Variants in RAB3IP observed in about 807,000 individuals in gnomAD.
The protein encoded by RAB3IP is RAB3A interacting protein.
Under a neutral mutation model 59.1 loss-of-function variants are expected in RAB3IP, and 36 were observed. That is an observed-to-expected ratio of 0.61 (90% CI 0.47 to 0.80). The LOEUF (loss-of-function observed/expected upper bound fraction) is 0.80. RAB3IP is among the 30% of genes least tolerant of loss of function. The probability of loss-of-function intolerance (pLI) is 0.00; values close to 1 mark genes in which losing one functional copy is unlikely to be tolerated. For missense variants in RAB3IP, 511 were observed against 536.0 expected (o/e 0.95, Z 0.46); for synonymous variants, 207 against 191.2 (o/e 1.08, Z -0.68).
chr12:69,765,239 A>G lies in RAB3IP; in HGVS notation c.510+8576A>G, dbSNP rs534486171. 5.9e-5 allele frequency among the ~76,000 whole-genome samples: 9 copies of G among 151,990 alleles called. No individual in the cohort carries two copies. In the South Asian group the frequency reaches 1.3e-3, roughly 21 times the overall value. ...TTCCAGTTCTTGGGGAAGCCTTCCA[A>G]TTTTTGTCCATTCAGTATGATGTTG... is the stretch of plus-strand genomic sequence containing the variant. On this transcript the variant is annotated intron_variant, in intron 3 of 10. Transcript: ENST00000247833.
intron 3 of RAB3IP, among the ~76,000 whole-genome samples, chr12:69,757,815 A>G (rs1445366417): frequency 6.6e-6 from 1 of 152,190 alleles, no homozygotes; most frequent in East Asian, 1.9e-4. Flanking sequence ...AATAGATAGT[A>G]TTTTATTAAA....
chr12:69,756,739 C>T (rs1870297638), intron 3 of RAB3IP, 76 bp downstream of exon 3: 2 of 1,184,546 alleles, frequency 1.7e-6, no homozygotes, highest in African/African-American at 1.6e-5. Flanking sequence ...GGGCAACCTG[C>T]AGAAATGAAA....
chr12:69,811,558 T>A (rs1333193728), intron 8 of RAB3IP, among the ~76,000 whole-genome samples: 1 of 152,230 alleles, frequency 6.6e-6, no homozygotes, highest in African/African-American at 2.4e-5. Context: ...CACATTTTCC[T>A]CTTATGCAAA....
intron 8 of RAB3IP, among the ~76,000 whole-genome samples, chr12:69,803,359 T>G (rs1030059108): frequency 6.6e-6 from 1 of 152,090 alleles, no homozygotes; most frequent in South Asian, 2.1e-4. Context: ...GTGGTTCTTG[T>G]GAGCTAGAGT....
chr12:69,753,784 C>T (rs1297025056), intron 1 of RAB3IP, among the ~76,000 whole-genome samples: 1 of 152,118 alleles, frequency 6.6e-6, no homozygotes, highest in Non-Finnish European at 1.5e-5. Flanking sequence ...GAAGTTTGGT[C>T]TCTATTCAGC....
At chr12:69,784,866 T>C (rs759378276) in intron 4 of RAB3IP, 51 bp downstream of exon 4, 1 of 1,013,518 alleles carries the variant, frequency 9.9e-7, no homozygotes, top group Non-Finnish European at 1.5e-6. Flanking sequence ...TTTTATATAT[T>C]GACAAAATTG....
chr12:69,750,542 C>T (rs565542634), intron 1 of RAB3IP, among the ~76,000 whole-genome samples: 103 of 119,434 alleles, frequency 8.6e-4, no homozygotes, highest in Non-Finnish European at 1.4e-3. Context: ...CCCTCTACCT[C>T]GTTTTTTTTT....
At chr12:69,750,477 A>G (rs987879242) in intron 1 of RAB3IP, among the ~76,000 whole-genome samples, 6 of 152,014 alleles carry the variant, frequency 3.9e-5, no homozygotes, top group African/African-American at 1.4e-4. Flanking sequence ...TTCAAAGAAG[A>G]ATCCAAACAA....
rs1385394547 is a variant in RAB3IP at position 69,756,621 on chromosome 12, G to A, written c.468G>A (p.Lys156=). The change falls in exon 3 of 11, where the codon AAG becomes AAA. Residue 156 remains lysine (K), a synonymous_variant. Transcript: ENST00000247833. ...CATCTGTTTTGGAAGTTAGAGAAAAGGGCTATGAACGATTAAAAGAAGAAC... is the reference window on the plus strand; with the variant it reads ...CATCTGTTTTGGAAGTTAGAGAAAAAGGCTATGAACGATTAAAAGAAGAAC... ...RSPSVLEVRE[K]GYERLKEELA... 1 of 1,614,048 alleles carries A rather than the reference G, an allele frequency of 6.2e-7. No homozygotes were observed. Among genetic ancestry groups the A allele is most frequent in the South Asian group, 1.1e-5 (1 of 91,068 alleles).
chr12:69,741,622 C>G (rs1476020543), intron 1 of RAB3IP, among the ~76,000 whole-genome samples: 2 of 152,152 alleles, frequency 1.3e-5, no homozygotes, highest in South Asian at 4.1e-4. Flanking sequence ...TCAGAGTGAG[C>G]GAGGAGATAA....
intron 10 of RAB3IP, among the ~76,000 whole-genome samples, chr12:69,815,029 T>G (rs757658121): frequency 1.3e-4 from 20 of 152,210 alleles, no homozygotes; most frequent in Non-Finnish European, 2.5e-4. Flanking sequence ...AGTTAGAGAA[T>G]AGCTCGAATA....
At chr12:69,789,396 A>T (rs1038445536) in intron 4 of RAB3IP, among the ~76,000 whole-genome samples, 3 of 152,130 alleles carry the variant, frequency 2.0e-5, no homozygotes, top group Admixed American at 2.0e-4. Flanking sequence ...GAAGAAATAG[A>T]TAAATTCCTA....
intron 7 of RAB3IP, among the ~76,000 whole-genome samples, chr12:69,801,187 A>G (rs1383588214): frequency 6.6e-6 from 1 of 152,236 alleles, no homozygotes; most frequent in Non-Finnish European, 1.5e-5. Context: ...TCTTGTGCAC[A>G]TAAATACAAA....
chr12:69,784,327 AGT>A (rs1274593811), intron 3 of RAB3IP, among the ~76,000 whole-genome samples: 2 of 152,014 alleles, frequency 1.3e-5, no homozygotes, highest in Non-Finnish European at 2.9e-5. Flanking sequence ...ACATAAAAAA[AGT>A]GTATTTTTAT....
intron 1 of RAB3IP, among the ~76,000 whole-genome samples, chr12:69,749,340 G>A (rs767733022): frequency 9.9e-5 from 15 of 152,172 alleles, no homozygotes; most frequent in Non-Finnish European, 2.1e-4. Flanking sequence ...GTTTCATCCC[G>A]AAACCATCTC....
intron 4 of RAB3IP, among the ~76,000 whole-genome samples, chr12:69,792,983 A>T (rs988994521): frequency 2.0e-5 from 3 of 152,326 alleles, no homozygotes; most frequent in African/African-American, 7.2e-5. Flanking sequence ...TTACTTTTTC[A>T]TTTAAAGTTA....
At chr12:69,783,075 G>T (rs1875020496) in intron 3 of RAB3IP, among the ~76,000 whole-genome samples, 1 of 152,022 alleles carries the variant, frequency 6.6e-6, no homozygotes, top group Non-Finnish European at 1.5e-5. Context: ...ACTTGGCTTT[G>T]TATTTAACTT....
chr12:69,739,707 AACTGC>A (rs1486928906), intron 1 of RAB3IP: 3 of 819,462 alleles, frequency 3.7e-6, no homozygotes, highest in Non-Finnish European at 6.1e-6. Flanking sequence ...AGTTGAGACG[AACTGC>A]ACGGGTGGGA....
At chr12:69,773,244 G>A (rs913630230) in intron 3 of RAB3IP, among the ~76,000 whole-genome samples, 15 of 151,820 alleles carry the variant, frequency 9.9e-5, no homozygotes, top group African/African-American at 3.6e-4. Context: ...TTTGATCTTT[G>A]AGAGCTTGAT....
Sources: gnomAD v4.1 joint callset for allele counts (sites outside exome capture counted in the v4.1 genomes callset) on GRCh38, gnomAD v4.1.1 for gene constraint, MANE v1.5 for transcripts, NCBI Gene and HGNC (gene_info 2026-07-23, HGNC 2026-07-21) for gene names.